Variants in PTPN3 observed in about 807,000 individuals in gnomAD.
The protein encoded by PTPN3 is protein tyrosine phosphatase non-receptor type 3, also known as tyrosine-protein phosphatase non-receptor type 3.
PTPN3 carries 96 observed loss-of-function variants against 132.7 expected under a neutral mutation model. The observed-to-expected ratio is 0.72, with a 90% CI of 0.61 to 0.86. The LOEUF is 0.86. Ranked by LOEUF, PTPN3 falls within the 40% of genes least tolerant of loss-of-function variation. PTPN3 has a pLI of 0.00. For missense variants in PTPN3, 1,125 were observed against 1,159.6 expected (o/e 0.97, Z 0.43); for synonymous variants, 398 against 429.0 (o/e 0.93, Z 0.89).
chr9:109,463,317 C>T lies in PTPN3; in HGVS notation c.118G>A (p.Val40Ile). The stretch of plus-strand genomic sequence containing the variant: ...CTTACAGTAACTTTAAAGGTCTGTA[C>T]CACGCCATCTAAAAAGTGGATGCTG... ...ICSIHFLDGV[V>I]QTFKVTKQDT... The change falls in exon 2 of 26, where the codon GTA becomes ATA. Residue 40 changes from valine (V) to isoleucine (I), a missense_variant. Transcript: ENST00000374541. The T allele has an allele frequency of 6.2e-7, 1 of 1,612,602 alleles. No homozygotes were observed. Among genetic ancestry groups the T allele is most frequent in the Non-Finnish European group, 8.5e-7 (1 of 1,179,538 alleles).
At chr9:109,454,028 G>T (rs1189338331) in intron 5 of PTPN3, among the ~76,000 whole-genome samples, 2 of 152,034 alleles carry the variant, frequency 1.3e-5, no homozygotes, top group Non-Finnish European at 2.9e-5. Flanking sequence ...CAAAAAAAAA[G>T]AAAGAAAATT....
At chr9:109,471,654 T>C (rs1185311994) in intron 1 of PTPN3, among the ~76,000 whole-genome samples, 1 of 147,566 alleles carries the variant, frequency 6.8e-6, no homozygotes, top group Non-Finnish European at 1.5e-5. Flanking sequence ...CTGGTTTTAC[T>C]TGTCATATGG....
At chr9:109,480,131 A>G (rs1846890559) in intron 1 of PTPN3, among the ~76,000 whole-genome samples, 1 of 152,108 alleles carries the variant, frequency 6.6e-6, no homozygotes, top group African/African-American at 2.4e-5. Context: ...CTTTAGAGAA[A>G]TGTCTATTCA....
At chr9:109,449,198 G>A (rs1845074602) in intron 5 of PTPN3, 2 of 1,085,120 alleles carry the variant, frequency 1.8e-6, no homozygotes, top group Non-Finnish European at 1.1e-6. Flanking sequence ...CTGCCCTTGA[G>A]GACCAGAACC....
chr9:109,481,051 A>C (rs1306137058), intron 1 of PTPN3, among the ~76,000 whole-genome samples: 1 of 152,220 alleles, frequency 6.6e-6, no homozygotes, highest in African/African-American at 2.4e-5. Context: ...TAATAGGCTA[A>C]ACATATTAAG....
the PTPN3 span, among the ~76,000 whole-genome samples, chr9:109,516,806 G>A: frequency 6.6e-6 from 1 of 152,330 alleles, no homozygotes; most frequent in South Asian, 2.1e-4. Context: ...TGGAAAACAA[G>A]AGAAGTGAAG....
At chr9:109,437,889 C>T (rs946604078) in intron 8 of PTPN3, among the ~76,000 whole-genome samples, 6 of 152,150 alleles carry the variant, frequency 3.9e-5, no homozygotes, top group Non-Finnish European at 7.3e-5. Context: ...CTGAAAAGGA[C>T]GCAGCAGCTA....
intron 1 of PTPN3, among the ~76,000 whole-genome samples, chr9:109,494,241 C>G (rs1847583661): frequency 6.6e-6 from 1 of 152,202 alleles, no homozygotes; most frequent in Non-Finnish European, 1.5e-5. Flanking sequence ...GAGGCCAAGG[C>G]AGGAGGACTG....
intron 4 of PTPN3, among the ~76,000 whole-genome samples, chr9:109,456,187 A>G (rs1845557386): frequency 6.6e-6 from 1 of 152,208 alleles, no homozygotes; most frequent in African/African-American, 2.4e-5. Context: ...GTGTATGCGC[A>G]CCTGCGTGCG....
chr9:109,494,118 T>A (rs1847578574), intron 1 of PTPN3, among the ~76,000 whole-genome samples: 2 of 152,186 alleles, frequency 1.3e-5, no homozygotes, highest in East Asian at 1.9e-4. Context: ...GCCTGGCCCA[T>A]GTACAGAGAT....
intron 19 of PTPN3, among the ~76,000 whole-genome samples, chr9:109,397,006 GAAC>G (rs1040698549): frequency 6.6e-6 from 1 of 151,966 alleles, no homozygotes; most frequent in African/African-American, 2.4e-5. Flanking sequence ...TCAACTCTAT[GAAC>G]AGAAAAAGGG....
the PTPN3 span, among the ~76,000 whole-genome samples, chr9:109,503,859 A>G: frequency 6.6e-6 from 1 of 152,190 alleles, no homozygotes. Flanking sequence ...AATATTTATT[A>G]TATACCCTAC....
chr9:109,440,917 T>C (rs569526572), intron 7 of PTPN3, among the ~76,000 whole-genome samples: 81 of 152,302 alleles, frequency 5.3e-4, no homozygotes, highest in Middle Eastern at 3.4e-3. Flanking sequence ...GAAACAAAGT[T>C]AAACAGTGAT....
At chr9:109,481,707 A>G (rs375103056) in intron 1 of PTPN3, among the ~76,000 whole-genome samples, 96 of 152,364 alleles carry the variant, frequency 6.3e-4, no homozygotes, top group African/African-American at 2.1e-3. Context: ...CATCTAGAAC[A>G]GTGTCCAGTG....
rs147607237 is a variant in PTPN3, at chr9:109,486,767, G to A, written c.-18+11452C>T. On this transcript the variant is annotated intron_variant, in intron 1 of 25. Transcript: ENST00000374541. ...GTTCCCATAATCCTCACATGTCATG[G>A]GAGGGAACAGGTGGGAGGTAACTGA... Among the ~76,000 whole-genome samples the A allele has an allele frequency of 6.3e-3, 964 of 152,284 alleles. 13 individuals are homozygous for A. Among genetic ancestry groups the A allele is most frequent in the African/African-American group, 0.022 (910 of 41,548 alleles).
Position 109,448,808 on chromosome 9 carries a change from T to C in PTPN3, c.413+3A>G. 6.3e-7 allele frequency: 1 copy of C among 1,595,448 alleles called. No individual in the cohort carries two copies. The highest frequency in any genetic ancestry group is 1.4e-5 in the African/African-American group (1 of 73,520). On this transcript the variant is annotated splice_donor_region_variant and intron_variant, in intron 6 of 25. Transcript: ENST00000374541. ...GAAAAGAAAAATGTAAAATTCTCATTACCTTCCTTCGCAAATATCCATCTT... is the reference window on the plus strand; with the variant it reads ...GAAAAGAAAAATGTAAAATTCTCATCACCTTCCTTCGCAAATATCCATCTT...
At chr9:109,452,366 T>C (rs1845314515) in intron 5 of PTPN3, among the ~76,000 whole-genome samples, 1 of 151,928 alleles carries the variant, frequency 6.6e-6, no homozygotes, top group South Asian at 2.1e-4. Context: ...CAGTAATTTA[T>C]ATATGTGTAC....
At position 109,440,448 on chromosome 9, in the gene PTPN3, C is replaced by T. The variant is rs377124434; in HGVS notation, c.467-2214G>A. Among the ~76,000 whole-genome samples the T allele has an allele frequency of 5.3e-4, 81 of 152,252 alleles. 1 individual carries two copies. The highest frequency in any genetic ancestry group is 4.4e-3 in the East Asian group (23 of 5,172). ...TCTCATGTTAAGAGTGAAGAAATTG[C>T]GGTCTGGAAAGGAAAAGACACCTTT... On this transcript the variant is annotated intron_variant, in intron 7 of 25. Transcript: ENST00000374541.
intron 13 of PTPN3, among the ~76,000 whole-genome samples, chr9:109,421,388 A>T (rs1018377433): frequency 7.2e-5 from 11 of 152,088 alleles, no homozygotes; most frequent in Non-Finnish European, 1.5e-5. Flanking sequence ...TTTGTTAGCC[A>T]TTTCTCCTCA....
Sources: allele counts gnomAD v4.1 joint callset (sites outside exome capture counted in the v4.1 genomes callset), GRCh38; gene constraint gnomAD v4.1.1; transcripts MANE v1.5; gene names NCBI Gene and HGNC (gene_info 2026-07-23, HGNC 2026-07-21).